Variants in ZBTB40 observed in about 807,000 individuals in gnomAD.
ZBTB40 encodes the protein zinc finger and BTB domain containing 40, also known as zinc finger and BTB domain-containing protein 40.
ZBTB40 carries 60 observed loss-of-function variants against 117.5 expected under a neutral mutation model. That is an observed-to-expected ratio of 0.51 (90% CI 0.41 to 0.63). The LOEUF is 0.63. ZBTB40 is among the 30% of genes least tolerant of loss of function. The probability of loss-of-function intolerance (pLI) is 0.00; values close to 1 mark genes in which losing one functional copy is unlikely to be tolerated. For synonymous variants in ZBTB40, 525 were observed against 577.1 expected, an observed-to-expected ratio of 0.91 and a Z score of 1.29; for missense variants, 1,287 against 1,498.5, an observed-to-expected ratio of 0.86 and a Z score of 2.33.
intron 1 of ZBTB40, among the ~76,000 whole-genome samples, chr1:22,430,197 T>C (rs997139225): frequency 6.6e-6 from 1 of 152,212 alleles, no homozygotes; most frequent in African/African-American, 2.4e-5. Flanking sequence ...CTAAAATAAA[T>C]GCTACTTTGG....
At chr1:22,502,875 A>G (rs918305180) in intron 5 of ZBTB40, among the ~76,000 whole-genome samples, 2 of 152,200 alleles carry the variant, frequency 1.3e-5, no homozygotes, top group South Asian at 4.1e-4. Flanking sequence ...TGTACTGTAC[A>G]TTTGGAATAT....
intron 1 of ZBTB40, among the ~76,000 whole-genome samples, chr1:22,442,094 A>G (rs1640740326): frequency 6.6e-6 from 1 of 152,146 alleles, no homozygotes; most frequent in African/African-American, 2.4e-5. Flanking sequence ...TACTTCTATT[A>G]GTGACTTCTA....
In ZBTB40 at chr1:22,517,455, A is replaced by G. The variant is rs780285932; in HGVS notation, c.2824A>G (p.Thr942Ala). The change falls in exon 13 of 18, where the codon ACC (threonine) becomes GCC (alanine). Residue 942 changes from threonine (T) to alanine (A), a missense_variant. This residue lies in a region of ZBTB40 where 417 missense variants were observed against 564.1 expected (regional missense o/e 0.74). Transcript: ENST00000375647. ...QANGLSIHLH[T>A]FHNIEDPYDC... ...CAATGGCCTCTCCATCCATCTGCAC[A>G]CCTTTCACAGTATGTAGAGACTGTG... The G allele has an allele frequency of 2.0e-5, 32 of 1,613,664 alleles. No homozygotes were observed. Among genetic ancestry groups the G allele is most frequent in the Middle Eastern group, 3.3e-4 (2 of 6,084 alleles).
At chr1:22,430,584 A>C (rs12138279) in intron 1 of ZBTB40, among the ~76,000 whole-genome samples, 32,774 of 151,532 alleles carry the variant, frequency 0.22, 4,123 homozygotes, top group African/African-American at 0.32. Flanking sequence ...CGATCCTCCC[A>C]CTTTGGCCTC....
chr1:22,530,435 G>A lies in ZBTB40; in HGVS notation c.*4039G>A, dbSNP rs1467299878. The A allele has an allele frequency of 2.6e-5, 4 of 152,282 alleles. No homozygotes were observed. The highest frequency in any genetic ancestry group is 2.1e-4 in the South Asian group (1 of 4,816). 9.4% of individuals were successfully genotyped at this position (152,282 alleles called of 1,614,324 possible). The stretch of plus-strand genomic sequence containing the variant: ...TAGAAGCTTGCTACTCCTACGACTC[G>A]GCCTATAAGGAAGAGAGAAGCTGTC... On this transcript the variant is annotated 3_prime_UTR_variant, in exon 18 of 18. Transcript: ENST00000375647.
intron 2 of ZBTB40, among the ~76,000 whole-genome samples, 177 bp downstream of exon 2, chr1:22,490,822 A>G (rs1356377342): frequency 6.6e-6 from 1 of 152,228 alleles, no homozygotes; most frequent in Non-Finnish European, 1.5e-5. Context: ...GAAAGTCCAA[A>G]CATGAACTAC....
intron 1 of ZBTB40, among the ~76,000 whole-genome samples, chr1:22,477,660 A>G (rs1641583488): frequency 6.6e-6 from 1 of 151,872 alleles, no homozygotes; most frequent in Non-Finnish European, 1.5e-5. Context: ...AAAAAAAAAA[A>G]AAAGAAAAGA....
chr1:22,473,929 G>A (rs1002688133), intron 1 of ZBTB40, among the ~76,000 whole-genome samples: 8 of 152,096 alleles, frequency 5.3e-5, no homozygotes, highest in Non-Finnish European at 1.0e-4. Flanking sequence ...TTAACATCTC[G>A]GAGCCTTAGT....
intron 12 of ZBTB40, 110 bp from the exon 13 acceptor site, chr1:22,517,190 G>A (rs1180046748): frequency 2.7e-6 from 4 of 1,468,276 alleles, no homozygotes; most frequent in East Asian, 4.5e-5. Context: ...ATGTTTTAAT[G>A]TCATCTACCA....
rs113910627 is a variant in ZBTB40, at chr1:22,484,622, A to G, written c.-69-5258A>G. ...AGTTTTAACTTCCTTCCCAATCAGT[A>G]TACCTTCTATTTCCTTTTCTTGTCT... On this transcript the variant is annotated intron_variant, in intron 1 of 17. Coordinates refer to ENST00000375647, the MANE Select transcript of ZBTB40 (RefSeq NM_014870.4). Among the ~76,000 whole-genome samples, 1,212 of 152,284 alleles carry G rather than the reference A, an allele frequency of 8.0e-3. 4 individuals are homozygous for G. Among genetic ancestry groups the G allele is most frequent in the Non-Finnish European group, 0.014 (943 of 67,994 alleles).
intron 9 of ZBTB40, 139 bp from the exon 10 acceptor site, chr1:22,511,040 A>T: frequency 9.2e-7 from 1 of 1,089,370 alleles, no homozygotes; most frequent in Non-Finnish European, 1.4e-6. Flanking sequence ...TACATTTATC[A>T]CAAGGCGATG....
At chr1:22,519,840 T>A in intron 13 of ZBTB40, 1 of 614,972 alleles carries the variant, frequency 1.6e-6, no homozygotes, top group South Asian at 1.8e-5. Context: ...CAGTTAGTCT[T>A]GAAACCCTGG....
At chr1:22,447,897 G>C (rs1389479533), upstream of ZBTB40, among the ~76,000 whole-genome samples, 1 of 152,208 alleles carries the variant, frequency 6.6e-6, no homozygotes, top group East Asian at 1.9e-4. Context: ...CTAACACTTA[G>C]AAAGCCAGGA....
intron 1 of ZBTB40, among the ~76,000 whole-genome samples, chr1:22,468,921 G>A (rs1461629587): frequency 6.6e-6 from 1 of 152,236 alleles, no homozygotes; most frequent in Non-Finnish European, 1.5e-5. Context: ...TGACTGCCTA[G>A]GCTCAAGTAA....
At position 22,443,804 on chromosome 1, in the gene ZBTB40, T is replaced by C. The variant is rs566680649; in HGVS notation, c.-70+14790T>C. Among the ~76,000 whole-genome samples, 11 of 152,324 alleles carry C rather than the reference T, an allele frequency of 7.2e-5. No homozygotes were observed. In the South Asian group the frequency reaches 2.1e-3, roughly 29 times the overall value. On this transcript the variant is annotated intron_variant, in intron 1 of 8. Transcript: ENST00000650433. ...TCAGGGCCTGCTATCTGTCAGGTGA[T>C]GTCAGGTTGGAATTTGGTATCTTAT...
chr1:22,449,384 G>GCCCTTACAAGGTCTAGAAGGT (rs1640828891), upstream of ZBTB40, among the ~76,000 whole-genome samples: 1 of 152,188 alleles, frequency 6.6e-6, no homozygotes, highest in Admixed American at 6.5e-5. Context: ...GGGAGATGAG[G>GCCCTTACAAGGTCTAGAAGGT]CCCTTACAAG....
intron 7 of ZBTB40, 108 bp downstream of exon 7, chr1:22,508,245 A>C: frequency 7.5e-7 from 1 of 1,332,678 alleles, no homozygotes; most frequent in Middle Eastern, 1.8e-4. Flanking sequence ...ATATGTAGCC[A>C]TGTTGAGAAT....
At chr1:22,473,535 A>T (rs1402735632) in intron 1 of ZBTB40, among the ~76,000 whole-genome samples, 6 of 152,236 alleles carry the variant, frequency 3.9e-5, no homozygotes, top group Middle Eastern at 3.2e-3. Flanking sequence ...TGGTTATTTG[A>T]TAAATAATAT....
intron 13 of ZBTB40, chr1:22,519,801 T>C (rs1010187655): frequency 3.2e-5 from 17 of 533,750 alleles, no homozygotes; most frequent in African/African-American, 2.5e-4. Flanking sequence ...AAATGAGGAA[T>C]GGAGATGAAC....
Sources: allele counts gnomAD v4.1 joint callset (sites outside exome capture counted in the v4.1 genomes callset), GRCh38; gene constraint gnomAD v4.1.1; regional missense constraint gnomAD v4.1.1; transcripts MANE v1.5; gene names NCBI Gene and HGNC (gene_info 2026-07-23, HGNC 2026-07-21).